Variants in CADPS2 observed in about 807,000 individuals in gnomAD.
The protein encoded by CADPS2 is calcium dependent secretion activator 2, also known as calcium-dependent secretion activator 2.
In CADPS2, 93 loss-of-function variants were observed where a neutral mutation model predicts 172.5. The ratio of observed to expected loss-of-function variants is 0.54; its 90% CI spans 0.46 to 0.64. CADPS2 has a LOEUF of 0.64. Among genes scored for constraint, CADPS2 ranks in the 30% least tolerant of loss-of-function variants. CADPS2 has a pLI of 0.00. For missense variants in CADPS2, 1,420 were observed against 1,565.9 expected, an observed-to-expected ratio of 0.91 and a Z score of 1.57; for synonymous variants, 546 against 555.2, an observed-to-expected ratio of 0.98 and a Z score of 0.23.
chr7:122,548,638 T>A (rs1171205641), intron 8 of CADPS2, among the ~76,000 whole-genome samples: 1 of 152,140 alleles, frequency 6.6e-6, no homozygotes, highest in Non-Finnish European at 1.5e-5. Flanking sequence ...TAGTAAAACA[T>A]ACAATGAGCA....
chr7:122,855,691 AC>A (rs2141189304), intron 1 of CADPS2, among the ~76,000 whole-genome samples: 1 of 152,342 alleles, frequency 6.6e-6, no homozygotes, highest in Non-Finnish European at 1.5e-5. Context: ...CTTTAGACAT[AC>A]GACTGAATAT....
In CADPS2 at chr7:122,345,684, G is replaced by C; in HGVS notation, c.3505-3C>G. The C allele has an allele frequency of 6.3e-7, 1 of 1,583,136 alleles. No homozygotes were observed. Among genetic ancestry groups the C allele is most frequent in the Non-Finnish European group, 8.7e-7 (1 of 1,155,748 alleles). ...TCTGCCAGATCCATTCCTGGTTTCT[G>C]TTGTGAAGGAAAAGCAGGGGGAACA... is the stretch of plus-strand genomic sequence containing the variant. On this transcript the variant is annotated splice_polypyrimidine_tract_variant and splice_region_variant and intron_variant, in intron 27 of 29. Coordinates refer to ENST00000449022, the MANE Select transcript of CADPS2 (RefSeq NM_017954.11).
At chr7:122,868,752 T>C (rs1194215618) in intron 1 of CADPS2, among the ~76,000 whole-genome samples, 1 of 152,230 alleles carries the variant, frequency 6.6e-6, no homozygotes, top group Non-Finnish European at 1.5e-5. Flanking sequence ...GGAGATATGT[T>C]TCTGACCAGA....
At chr7:122,527,582 T>TAGAGAGAGAGAGAG (rs35881192) in intron 8 of CADPS2, among the ~76,000 whole-genome samples, 42 of 91,700 alleles carry the variant, frequency 4.6e-4, no homozygotes, top group East Asian at 8.1e-4. Context: ...TAATACTGAA[T>TAGAGAGAGAGAGAG]AGAGAGAGAG....
intron 28 of CADPS2, among the ~76,000 whole-genome samples, chr7:122,328,149 ACACACACACACG>A (rs1027731544): frequency 1.4e-5 from 2 of 147,226 alleles, no homozygotes; most frequent in African/African-American, 5.0e-5. Flanking sequence ...ACACACACAC[ACACACACACACG>A]CACGCACACA....
chr7:122,795,148 A>T (rs559072709), intron 1 of CADPS2, among the ~76,000 whole-genome samples: 63 of 142,342 alleles, frequency 4.4e-4, no homozygotes, highest in African/African-American at 1.6e-3. Context: ...ATTGAGACAT[A>T]AAAAAAAAAA....
intron 8 of CADPS2, among the ~76,000 whole-genome samples, chr7:122,541,513 G>GT (rs113969612): frequency 0.012 from 1,660 of 136,604 alleles, 30 homozygotes; most frequent in African/African-American, 0.038. Context: ...GCCAATTTTT[G>GT]TTTTTTTTTT....
intron 19 of CADPS2, among the ~76,000 whole-genome samples, chr7:122,410,500 C>T (rs941599249): frequency 2.4e-4 from 33 of 137,530 alleles, no homozygotes; most frequent in African/African-American, 8.5e-4. Flanking sequence ...TAAAAATGAA[C>T]CCTGAACCTA....
chr7:122,851,902 C>T (rs1813757161), intron 1 of CADPS2, among the ~76,000 whole-genome samples: 1 of 152,152 alleles, frequency 6.6e-6, no homozygotes, highest in Non-Finnish European at 1.5e-5. Context: ...TATCAGAGCC[C>T]TTACTGTATA....
At chr7:122,397,614 C>G (rs2151540880) in intron 20 of CADPS2, among the ~76,000 whole-genome samples, 1 of 152,220 alleles carries the variant, frequency 6.6e-6, no homozygotes, top group Non-Finnish European at 1.5e-5. Flanking sequence ...CTTCGTTGTC[C>G]ATATGGCAGC....
rs537439925 is a variant in CADPS2 at position 122,318,485 on chromosome 7, G to C, written c.*1680C>G. ...GAAGGGTGGGTAATTACTAAGTACA[G>C]AGCAATGTGTCGTGGAACAGCAAGC... On this transcript the variant is annotated 3_prime_UTR_variant, in exon 30 of 30. Coordinates refer to ENST00000449022, the MANE Select transcript of CADPS2 (RefSeq NM_017954.11). 2.6e-5 allele frequency: 4 copies of C among 152,416 alleles called. No homozygotes were observed. Among genetic ancestry groups the C allele is most frequent in the Non-Finnish European group, 4.4e-5 (3 of 68,086 alleles). 9.4% of individuals were successfully genotyped at this position (152,416 alleles called of 1,614,324 possible).
chr7:122,542,277 A>G (rs1213331368), intron 8 of CADPS2, among the ~76,000 whole-genome samples: 1 of 152,136 alleles, frequency 6.6e-6, no homozygotes, highest in Non-Finnish European at 1.5e-5. Context: ...CTGTCCTACT[A>G]TGATATTACA....
intron 10 of CADPS2, 46 bp downstream of exon 10, chr7:122,491,266 C>A: frequency 2.5e-6 from 3 of 1,219,400 alleles, no homozygotes; most frequent in Non-Finnish European, 3.5e-6. Flanking sequence ...TATAAGAATT[C>A]CATGCATACA....
intron 8 of CADPS2, among the ~76,000 whole-genome samples, chr7:122,539,903 T>C (rs1258991618): frequency 1.3e-5 from 2 of 152,072 alleles, no homozygotes; most frequent in Admixed American, 6.6e-5. Flanking sequence ...ACCTTTTTTT[T>C]CCATTTTCCT....
At chr7:122,880,897 G>A (rs190760976) in intron 1 of CADPS2, among the ~76,000 whole-genome samples, 16 of 152,248 alleles carry the variant, frequency 1.1e-4, no homozygotes, top group African/African-American at 3.4e-4. Flanking sequence ...CCACTGATAT[G>A]TCCACTATTT....
At chr7:122,684,445 A>G (rs897364221) in intron 2 of CADPS2, among the ~76,000 whole-genome samples, 1 of 152,046 alleles carries the variant, frequency 6.6e-6, no homozygotes, top group African/African-American at 2.4e-5. Context: ...GCATATATAT[A>G]TATACACACA....
chr7:122,852,164 T>C (rs1021227002), intron 1 of CADPS2, among the ~76,000 whole-genome samples: 1 of 152,204 alleles, frequency 6.6e-6, no homozygotes, highest in Non-Finnish European at 1.5e-5. Context: ...TGATAAATTA[T>C]TGCTGTCACA....
At position 122,498,455 on chromosome 7, in the gene CADPS2, C is replaced by G. The variant is rs185201490; in HGVS notation, c.1543-7035G>C. Among the ~76,000 whole-genome samples the G allele has an allele frequency of 3.9e-3, 598 of 152,152 alleles. 5 individuals are homozygous for G. The highest frequency in any genetic ancestry group is 0.014 in the African/African-American group (574 of 41,526). On this transcript the variant is annotated intron_variant, in intron 9 of 29. Transcript: ENST00000449022. ...TGTCACATTTTTCCTTTATTTAATG[C>G]CTTTATTCAAATCCTATCAGAAATA... is the stretch of plus-strand genomic sequence containing the variant.
At chr7:122,690,743 C>T (rs1351523615) in intron 2 of CADPS2, among the ~76,000 whole-genome samples, 2 of 152,168 alleles carry the variant, frequency 1.3e-5, no homozygotes, top group Non-Finnish European at 2.9e-5. Flanking sequence ...ATAAACTGCC[C>T]AGCTACAGCT....
Sources: gnomAD v4.1 joint callset for allele counts (sites outside exome capture counted in the v4.1 genomes callset) on GRCh38, gnomAD v4.1.1 for gene constraint, MANE v1.5 for transcripts, NCBI Gene and HGNC (gene_info 2026-07-23, HGNC 2026-07-21) for gene names.